Variants in ICAM1 observed in about 807,000 individuals in gnomAD.
The protein encoded by ICAM1 is intercellular adhesion molecule 1, also known as ICAM-1.
ICAM1 carries 28 observed loss-of-function variants against 42.3 expected under a neutral mutation model. That is an observed-to-expected ratio of 0.66 (90% confidence interval 0.49 to 0.91). ICAM1 has a LOEUF of 0.91. ICAM1 is among the 40% of genes least tolerant of loss of function. The pLI is 0.00. For missense variants in ICAM1, 637 were observed against 688.6 expected (o/e 0.93, Z 0.84); for synonymous variants, 304 against 305.9 (o/e 0.99, Z 0.07).
intron 2 of ICAM1, among the ~76,000 whole-genome samples, chr19:10,276,822 A>G (rs1355397394): frequency 4.0e-5 from 6 of 151,342 alleles, no homozygotes; most frequent in African/African-American, 1.5e-4. Flanking sequence ...AAATACAAAA[A>G]AAACTAGCCA....
intron 2 of ICAM1, among the ~76,000 whole-genome samples, chr19:10,282,540 C>T (rs2145498014): frequency 6.6e-6 from 1 of 152,170 alleles, no homozygotes; most frequent in Admixed American, 6.5e-5. Context: ...AGCCACCGCG[C>T]CCTGCCAACC....
chr19:10,275,048 G>C lies in ICAM1; in HGVS notation c.331+20G>C. 1 of 1,611,182 alleles carries C rather than the reference G, an allele frequency of 6.2e-7. No homozygotes were observed. Among genetic ancestry groups the C allele is most frequent in the Non-Finnish European group, 8.5e-7 (1 of 1,179,462 alleles). On this transcript the variant is annotated intron_variant, in intron 2 of 6. Coordinates refer to ENST00000264832, the MANE Select transcript of ICAM1 (RefSeq NM_000201.3). ...TGTACTGTGAGTAACTGAGCCCGGA[G>C]GGCTGGACTAGGCAGACCCGGTGGG...
intron 2 of ICAM1, 36 bp downstream of exon 2, chr19:10,275,064 A>T: frequency 6.2e-7 from 1 of 1,603,782 alleles, no homozygotes; most frequent in Non-Finnish European, 8.5e-7. Flanking sequence ...GACTAGGCAG[A>T]CCCGGTGGGA....
intron 2 of ICAM1, 97 bp from the exon 3 acceptor site, chr19:10,283,384 T>C (rs1242125581): frequency 3.3e-6 from 4 of 1,213,074 alleles, no homozygotes; most frequent in Non-Finnish European, 4.6e-6. Context: ...TTGGGGGAGA[T>C]ACTGAAGAGG....
At chr19:10,272,016 T>G (rs1237441990) in intron 1 of ICAM1, among the ~76,000 whole-genome samples, 1 of 152,004 alleles carries the variant, frequency 6.6e-6, no homozygotes, top group East Asian at 1.9e-4. Flanking sequence ...GCCAGCACGG[T>G]AGTTCATGCC....
At chr19:10,283,436 G>A in intron 2 of ICAM1, 45 bp from the exon 3 acceptor site, 14 of 1,507,986 alleles carry the variant, frequency 9.3e-6, no homozygotes, top group Non-Finnish European at 1.2e-5. Context: ...TAGGCAGGCA[G>A]CAAGGTCCAC....
intron 1 of ICAM1, among the ~76,000 whole-genome samples, chr19:10,273,918 G>A (rs1331323978): frequency 6.6e-6 from 1 of 151,956 alleles, no homozygotes; most frequent in Non-Finnish European, 1.5e-5. Context: ...GGAGGCTGAG[G>A]CAGGAGAATC....
intron 2 of ICAM1, among the ~76,000 whole-genome samples, chr19:10,278,789 G>A (rs545444586): frequency 2.6e-5 from 4 of 152,038 alleles, no homozygotes; most frequent in Admixed American, 6.6e-5. Context: ...TGATCCACCC[G>A]CCTCAGCCTC....
chr19:10,283,443 C>A, intron 2 of ICAM1, 38 bp from the exon 3 acceptor site: 1 of 1,514,638 alleles, frequency 6.6e-7, no homozygotes, highest in Non-Finnish European at 8.8e-7. Flanking sequence ...GCAGCAAGGT[C>A]CACTTCACCA....
chr19:10,275,149 T>C, intron 2 of ICAM1, 121 bp downstream of exon 2: 3 of 987,734 alleles, frequency 3.0e-6, no homozygotes, highest in Non-Finnish European at 4.5e-6. Flanking sequence ...AGGGGCTCCT[T>C]GCAGGGCAGG....
At chr19:10,283,038 A>AAC in intron 2 of ICAM1, 1 of 151,712 alleles carries the variant, frequency 6.6e-6, no homozygotes, top group African/African-American at 2.4e-5. Context: ...AATTAATTAA[A>AAC]AATAAAAATA....
chr19:10,284,729 G>A lies in ICAM1; in HGVS notation c.1181-54G>A, dbSNP rs2040089645. ...CTCCCTGAAGGTCCCATAAGGTCTT[G>A]CCTCCAAGTCCTGCCCCCACCCACC... On this transcript the variant is annotated intron_variant, in intron 5 of 6. Transcript: ENST00000264832. The surrounding 1 kb of genome is among the most constrained non-coding windows in gnomAD (Gnocchi z 5.4). 1 of 1,608,676 alleles carries A rather than the reference G, an allele frequency of 6.2e-7. No individual in the cohort carries two copies. Among genetic ancestry groups the A allele is most frequent in the Non-Finnish European group, 8.5e-7 (1 of 1,178,524 alleles).
chr19:10,274,345 C>T (rs543140738), intron 1 of ICAM1, among the ~76,000 whole-genome samples: 43 of 142,868 alleles, frequency 3.0e-4, no homozygotes, highest in Middle Eastern at 7.3e-3. Flanking sequence ...GACAGAGTCT[C>T]GTTCTGTTGC....
In ICAM1 at chr19:10,285,324, C is replaced by T; in HGVS notation, c.*37C>T. 1 of 1,596,190 alleles carries T rather than the reference C, an allele frequency of 6.3e-7. No individual in the cohort carries two copies. Among genetic ancestry groups the T allele is most frequent in the Non-Finnish European group, 8.6e-7 (1 of 1,168,116 alleles). ...GACAGGGCCTCTTCCTCGGCCTTCC[C>T]ATATTGGTGGCAGTGGTGCCACACT... is the stretch of plus-strand genomic sequence containing the variant. On this transcript the variant is annotated 3_prime_UTR_variant, in exon 7 of 7. Transcript: ENST00000264832.
At chr19:10,281,157 G>A (rs991015672) in intron 2 of ICAM1, among the ~76,000 whole-genome samples, 6 of 151,984 alleles carry the variant, frequency 3.9e-5, no homozygotes, top group Admixed American at 3.3e-4. Context: ...ACAGGCGTGA[G>A]CCACCATGTC....
intron 2 of ICAM1, among the ~76,000 whole-genome samples, chr19:10,275,813 T>G (rs945756518): frequency 2.0e-5 from 3 of 150,256 alleles, no homozygotes; most frequent in African/African-American, 7.4e-5. Flanking sequence ...GTTCACGCCA[T>G]TCTCCTGCCT....
chr19:10,273,669 A>G lies in ICAM1; in HGVS notation c.68-1096A>G, dbSNP rs572615939. 8.3e-4 allele frequency among the ~76,000 whole-genome samples: 126 copies of G among 151,750 alleles called. 6 individuals are homozygous for G. The South Asian group carries it at 0.025, about 30-fold the overall frequency. On this transcript the variant is annotated intron_variant, in intron 1 of 6. Coordinates refer to ENST00000264832, the MANE Select transcript of ICAM1 (RefSeq NM_000201.3). ...AACAGAGGGAGACCCGTTTAAAAAA[A>G]AAAAAGTGATGGCTAAAGTCCTTCC...
At chr19:10,272,952 T>A (rs973226893) in intron 1 of ICAM1, among the ~76,000 whole-genome samples, 1 of 152,012 alleles carries the variant, frequency 6.6e-6, no homozygotes, top group Non-Finnish European at 1.5e-5. Context: ...ATGGGGAAAT[T>A]GAGGCCCAAA....
At chr19:10,272,559 T>TC (rs2039989311) in intron 1 of ICAM1, among the ~76,000 whole-genome samples, 1 of 68,088 alleles carries the variant, frequency 1.5e-5, no homozygotes, top group South Asian at 5.2e-4. Context: ...TCTTTTCTTT[T>TC]CTTTTTTTTT....
Sources: allele counts gnomAD v4.1 joint callset (sites outside exome capture counted in the v4.1 genomes callset), GRCh38; gene constraint gnomAD v4.1.1; non-coding constraint Gnocchi (gnomAD v3.1); transcripts MANE v1.5; gene names NCBI Gene and HGNC (gene_info 2026-07-23, HGNC 2026-07-21).